Variants in ADAM12 observed in about 807,000 individuals in gnomAD.
ADAM12 encodes the protein ADAM metallopeptidase domain 12, also known as disintegrin and metalloproteinase domain-containing protein 12.
In ADAM12, 70 loss-of-function variants were observed where a neutral mutation model predicts 106.4. That is an observed-to-expected ratio of 0.66 (90% confidence interval 0.54 to 0.80). The LOEUF is 0.80. Ranked by LOEUF, ADAM12 falls within the 30% of genes least tolerant of loss-of-function variation. The probability of loss-of-function intolerance (pLI) is 0.00; values close to 1 mark genes in which losing one functional copy is unlikely to be tolerated. For missense variants in ADAM12, 1,010 were observed against 1,171.9 expected (o/e 0.86, Z 2.02); for synonymous variants, 420 against 433.5 (o/e 0.97, Z 0.39).
intron 11 of ADAM12, among the ~76,000 whole-genome samples, chr10:126,075,422 G>T (rs1955080405): frequency 6.6e-6 from 1 of 152,150 alleles, no homozygotes; most frequent in South Asian, 2.1e-4. Flanking sequence ...ATTGTTCTAG[G>T]CTTTGGGGAT....
In ADAM12 at chr10:126,315,709, A is replaced by C. The variant is rs576894857; in HGVS notation, c.186+14703T>G. Among the ~76,000 whole-genome samples, 6 of 151,966 alleles carry C rather than the reference A, an allele frequency of 3.9e-5. No individual in the cohort carries two copies. In the East Asian group the frequency reaches 1.2e-3, roughly 30 times the overall value. On this transcript the variant is annotated intron_variant, in intron 2 of 22. Coordinates refer to ENST00000448723, the MANE Select transcript of ADAM12 (RefSeq NM_001288973.2). ...GAGCTCCACCGAGACCGTTCTGGAG[A>C]TCAACCTCACAAAGCTCCCTTCTCT...
At chr10:126,041,256 A>G in intron 18 of ADAM12, 1 of 861,196 alleles carries the variant, frequency 1.2e-6, no homozygotes, top group Non-Finnish European at 1.4e-6. Context: ...TGAGCCCCTG[A>G]GCCATGGCCA....
intron 8 of ADAM12, among the ~76,000 whole-genome samples, chr10:126,105,354 T>C (rs1264570839): frequency 2.0e-5 from 3 of 152,180 alleles, no homozygotes; most frequent in Admixed American, 2.0e-4. Flanking sequence ...GGGTTTAATA[T>C]AGTTTATCAT....
intron 2 of ADAM12, among the ~76,000 whole-genome samples, chr10:126,328,736 C>A (rs1373081368): frequency 1.3e-5 from 2 of 152,208 alleles, no homozygotes; most frequent in African/African-American, 4.8e-5. Context: ...ACCTGGAATT[C>A]TTTAGTGCAG....
intron 21 of ADAM12, among the ~76,000 whole-genome samples, chr10:126,021,509 C>T (rs956487110): frequency 1.3e-4 from 20 of 152,116 alleles, no homozygotes; most frequent in Admixed American, 1.2e-3. Flanking sequence ...GTTGGAACAA[C>T]GGACACATTG....
At chr10:126,040,357 C>T (rs891780410) in intron 18 of ADAM12, among the ~76,000 whole-genome samples, 7 of 152,184 alleles carry the variant, frequency 4.6e-5, no homozygotes, top group Admixed American at 1.3e-4. Context: ...CAGTCCTTTC[C>T]GGCTGCTGGT....
At chr10:126,111,286 T>C (rs1467639410) in intron 6 of ADAM12, among the ~76,000 whole-genome samples, 1 of 152,196 alleles carries the variant, frequency 6.6e-6, no homozygotes, top group African/African-American at 2.4e-5. Flanking sequence ...TAACTATATG[T>C]TGTAGGCATG....
intron 21 of ADAM12, among the ~76,000 whole-genome samples, chr10:126,031,286 T>G (rs1327364991): frequency 6.6e-6 from 1 of 152,240 alleles, no homozygotes; most frequent in Non-Finnish European, 1.5e-5. Flanking sequence ...CATTACAAAT[T>G]GGCATTTCTG....
At chr10:126,046,779 G>T (rs1954333990) in intron 16 of ADAM12, among the ~76,000 whole-genome samples, 1 of 137,958 alleles carries the variant, frequency 7.2e-6, no homozygotes, top group African/African-American at 2.8e-5. Flanking sequence ...CTCCAGTCTG[G>T]CGACAGAGAG....
At chr10:126,250,565 T>C (rs1476244682) in intron 3 of ADAM12, among the ~76,000 whole-genome samples, 2 of 152,228 alleles carry the variant, frequency 1.3e-5, no homozygotes, top group Admixed American at 1.3e-4. Flanking sequence ...TTTCTGATTA[T>C]TTTTTTGTGG....
chr10:126,039,174 C>A (rs1474242981), intron 19 of ADAM12, 120 bp downstream of exon 19: 13 of 1,239,616 alleles, frequency 1.0e-5, no homozygotes, highest in Non-Finnish European at 1.5e-5. Context: ...GTCTCGATCT[C>A]CTGACCTCGT....
At chr10:126,112,396 T>C (rs927510578) in intron 6 of ADAM12, among the ~76,000 whole-genome samples, 1 of 151,714 alleles carries the variant, frequency 6.6e-6, no homozygotes, top group African/African-American at 2.4e-5. Flanking sequence ...AAAAAGAAAC[T>C]GGTTGCTCTA....
chr10:126,126,500 A>G (rs150036715), intron 5 of ADAM12, among the ~76,000 whole-genome samples: 53 of 151,870 alleles, frequency 3.5e-4, no homozygotes, highest in African/African-American at 1.2e-3. Flanking sequence ...TAGGTGAGTA[A>G]GTGATCACTA....
chr10:126,309,987 C>T (rs1231688285), intron 2 of ADAM12, among the ~76,000 whole-genome samples: 2 of 151,804 alleles, frequency 1.3e-5, no homozygotes, highest in Non-Finnish European at 2.9e-5. Context: ...GGTGAAACCC[C>T]ATCTCTACTA....
intron 11 of ADAM12, among the ~76,000 whole-genome samples, chr10:126,075,265 G>A (rs1005676371): frequency 6.6e-6 from 1 of 152,174 alleles, no homozygotes; most frequent in Non-Finnish European, 1.5e-5. Context: ...AAGGAGGCAG[G>A]TGACTATTCA....
intron 2 of ADAM12, among the ~76,000 whole-genome samples, chr10:126,308,795 T>G (rs2133811981): frequency 6.6e-6 from 1 of 152,312 alleles, no homozygotes; most frequent in Non-Finnish European, 1.5e-5. Flanking sequence ...CATCTCATAG[T>G]TAGCAACTGC....
chr10:126,025,852 T>G (rs1953862647), intron 21 of ADAM12, among the ~76,000 whole-genome samples: 2 of 152,022 alleles, frequency 1.3e-5, no homozygotes, highest in Non-Finnish European at 2.9e-5. Context: ...AGACACATAA[T>G]CATCAGATTT....
At chr10:126,025,736 T>C (rs1465889265) in intron 21 of ADAM12, among the ~76,000 whole-genome samples, 2 of 152,144 alleles carry the variant, frequency 1.3e-5, no homozygotes, top group Non-Finnish European at 2.9e-5. Context: ...GAAAACATAC[T>C]TCAGGATATA....
chr10:126,080,280 C>T (rs542984598), intron 11 of ADAM12, among the ~76,000 whole-genome samples: 35 of 152,286 alleles, frequency 2.3e-4, no homozygotes, highest in Admixed American at 1.4e-3. Flanking sequence ...TACAGCCCCT[C>T]GTCTGTGGTT....
Sources: gnomAD v4.1 joint callset for allele counts (sites outside exome capture counted in the v4.1 genomes callset) on GRCh38, gnomAD v4.1.1 for gene constraint, MANE v1.5 for transcripts, NCBI Gene and HGNC (gene_info 2026-07-23, HGNC 2026-07-21) for gene names.